Variants in PPT1 observed in about 807,000 individuals in gnomAD.
The protein encoded by PPT1 is ceroid-palmitoyl-palmitoyl-protein thioesterase 1.
PPT1 carries 24 observed loss-of-function variants against 44.0 expected under a neutral mutation model. The ratio of observed to expected loss-of-function variants is 0.54; its 90% CI spans 0.39 to 0.77. PPT1 has a LOEUF of 0.77. Among genes scored for constraint, PPT1 ranks in the 30% least tolerant of loss-of-function variants. The probability of loss-of-function intolerance (pLI) is 0.00; values close to 1 mark genes in which losing one functional copy is unlikely to be tolerated. For missense variants in PPT1, 341 were observed against 378.8 expected (o/e 0.90, Z 0.83); for synonymous variants, 148 against 140.2 (o/e 1.06, Z -0.39).
rs1315917855 is a variant in PPT1 at position 40,097,246 on chromosome 1, G to A, written c.-8C>T. 2 of 1,613,702 alleles carry A rather than the reference G, an allele frequency of 1.2e-6. No individual in the cohort carries two copies. The highest frequency in any genetic ancestry group is 1.7e-6 in the Non-Finnish European group (2 of 1,179,794). ...GCAGCCGGGCGACGCCATCTTCGCT[G>A]TGTCACATGACCGCGGGCGCGAGAC... On this transcript the variant is annotated 5_prime_UTR_variant, in exon 1 of 9. Coordinates refer to ENST00000642050, the MANE Select transcript of PPT1 (RefSeq NM_000310.4).
chr1:40,094,220 C>G (rs1221647295), intron 1 of PPT1, among the ~76,000 whole-genome samples: 1 of 152,174 alleles, frequency 6.6e-6, no homozygotes, highest in Non-Finnish European at 1.5e-5. Flanking sequence ...CTTTTTGGCA[C>G]CAGGGACCAG....
At chr1:40,078,812 C>T (rs749231024) in intron 6 of PPT1, 154 bp from the exon 7 acceptor site, 1 of 697,786 alleles carries the variant, frequency 1.4e-6, no homozygotes. Context: ...CAGGATATAC[C>T]TGTACAGCTT....
At position 40,073,926 on chromosome 1, in the gene PPT1, G is replaced by C. The variant is rs1241410984; in HGVS notation, c.*135C>G. On this transcript the variant is annotated 3_prime_UTR_variant, in exon 9 of 9. Coordinates refer to ENST00000642050, the MANE Select transcript of PPT1 (RefSeq NM_000310.4). Reference sequence around the variant, plus strand: ...AGATTCAGATCTTAGATCTTTCCAAGTAGGGCATGTTAGATGATAGAAGGA... The same window carrying C: ...AGATTCAGATCTTAGATCTTTCCAACTAGGGCATGTTAGATGATAGAAGGA... 6 of 1,184,274 alleles carry C rather than the reference G, an allele frequency of 5.1e-6. No individual in the cohort carries two copies. The highest frequency in any genetic ancestry group is 7.4e-6 in the Non-Finnish European group (6 of 808,032). The allele number at this position is 1,184,274 out of a possible 1,614,324, so 73.4% of individuals were successfully genotyped here. A position where few individuals can be genotyped will look rare whatever the true frequency, so the allele number is the denominator to read the frequency against.
chr1:40,083,858 C>G (rs1649114819), intron 5 of PPT1, among the ~76,000 whole-genome samples: 1 of 152,012 alleles, frequency 6.6e-6, no homozygotes, highest in Non-Finnish European at 1.5e-5. Flanking sequence ...CTAGCCTGGG[C>G]AACATAAATG....
chr1:40,071,766 C>T (rs767355410), downstream of PPT1: 19 of 549,768 alleles, frequency 3.5e-5, no homozygotes, highest in Admixed American at 6.7e-5. Context: ...AGCTCAACCA[C>T]GCCGCCAGTC....
At position 40,078,546 on chromosome 1, in the gene PPT1, A is replaced by T; in HGVS notation, c.726+14T>A. ...CATTTACTCTCCTGGCATGTGGCCT[A>T]AGTAGTGTCTCACCTCCGAATCTAC... On this transcript the variant is annotated intron_variant, in intron 7 of 8. Transcript: ENST00000642050. 1.2e-6 allele frequency: 2 copies of T among 1,608,894 alleles called. No homozygotes were observed. The highest frequency in any genetic ancestry group is 1.7e-6 in the Non-Finnish European group (2 of 1,175,428).
Position 40,089,436 on chromosome 1 carries a change from C to A in PPT1, c.510G>T (p.Gly170=). 1 of 1,614,008 alleles carries A rather than the reference C, an allele frequency of 6.2e-7. No individual in the cohort carries two copies. ...GTTCCTGAACAACTTTGGAGTACGCCCCAGCATTCAGTGTTTTTCGGATGA... is the reference window on the plus strand; with the variant it reads ...GTTCCTGAACAACTTTGGAGTACGCACCAGCATTCAGTGTTTTTCGGATGA... ...CDFIRKTLNA[G]AYSKVVQERL... is the part of the protein sequence containing the mutation. Residue 170 remains glycine, a synonymous_variant, in exon 5 of 9, where the codon GGG becomes GGT. Transcript: ENST00000642050.
intron 5 of PPT1, among the ~76,000 whole-genome samples, chr1:40,087,860 G>A (rs1025632405): frequency 2.0e-5 from 3 of 151,496 alleles, no homozygotes; most frequent in African/African-American, 7.2e-5. Context: ...GAGGTACAGA[G>A]TATCTTAGTT....
downstream of PPT1, chr1:40,072,362 A>C (rs1648224384): frequency 9.6e-6 from 3 of 312,628 alleles, no homozygotes; most frequent in African/African-American, 4.3e-5. Flanking sequence ...TTTCCCTGTC[A>C]TGCTCATCAG....
intron 1 of PPT1, among the ~76,000 whole-genome samples, chr1:40,094,880 C>T (rs1021662982): frequency 1.2e-4 from 18 of 152,180 alleles, no homozygotes; most frequent in Non-Finnish European, 2.5e-4. Flanking sequence ...TGACTGTGAG[C>T]TCTGGGAAAA....
downstream of PPT1, chr1:40,072,263 A>AC (rs1464383569): frequency 1.4e-5 from 4 of 295,542 alleles, 1 homozygote; most frequent in Non-Finnish European, 2.3e-5. Flanking sequence ...AAAAAAAAAA[A>AC]AAAAAAAACC....
chr1:40,076,517 T>C, intron 8 of PPT1: 1 of 813,010 alleles, frequency 1.2e-6, no homozygotes, highest in South Asian at 5.6e-5. Context: ...CCTGGATTTG[T>C]AGCAGACTGT....
intron 5 of PPT1, among the ~76,000 whole-genome samples, chr1:40,084,966 G>A (rs1320212798): frequency 2.0e-5 from 3 of 152,130 alleles, no homozygotes; most frequent in African/African-American, 7.2e-5. Context: ...TCAGTGCCAA[G>A]GAAAAACACC....
At position 40,097,216 on chromosome 1, in the gene PPT1, C is replaced by T; in HGVS notation, c.23G>A (p.Trp8Ter). ...TGGCAGGAGAGCCACAGCCAAGAGC[C>T]ACAGGCAGCCGGGCGACGCCATCTT... MASPGCLWLLAVALLPWT... is the reference protein window; with the variant it reads MASPGCL The change falls in exon 1 of 9, where the codon TGG becomes TAG. Residue 8 changes from tryptophan to a stop codon, truncating the protein, a stop_gained. Transcript: ENST00000642050. LOFTEE classifies it high-confidence loss of function. The T allele has an allele frequency of 1.9e-6, 3 of 1,614,006 alleles. No individual in the cohort carries two copies. The highest frequency in any genetic ancestry group is 2.5e-6 in the Non-Finnish European group (3 of 1,179,930).
Position 40,073,524 on chromosome 1 carries a change from T to C in PPT1, c.*537A>G, listed in dbSNP as rs1648389258. On this transcript the variant is annotated 3_prime_UTR_variant, in exon 9 of 9. Transcript: ENST00000642050. ...CCAGTGGGATTTGTCTAATAATTGATGATAAGATGATAGCACAGAGGGCAA... is the reference window on the plus strand; with the variant it reads ...CCAGTGGGATTTGTCTAATAATTGACGATAAGATGATAGCACAGAGGGCAA... 1 of 90,044 alleles carries C rather than the reference T, an allele frequency of 1.1e-5. No homozygotes were observed. Among genetic ancestry groups the C allele is most frequent in the Admixed American group, 1.0e-4 (1 of 9,760 alleles). 5.6% of individuals were successfully genotyped at this position (90,044 alleles called of 1,614,324 possible).
intron 5 of PPT1, among the ~76,000 whole-genome samples, chr1:40,086,508 C>T (rs921106586): frequency 2.6e-5 from 4 of 152,188 alleles, no homozygotes; most frequent in African/African-American, 9.7e-5. Context: ...GCCTCTCTTG[C>T]ACTCTTCCTG....
intron 4 of PPT1, chr1:40,089,726 T>G: frequency 1.6e-6 from 1 of 641,714 alleles, no homozygotes. Context: ...TTTTACCTGC[T>G]CATCCCTGGA....
intron 8 of PPT1, 130 bp downstream of exon 8, chr1:40,076,712 C>A (rs1648648504): frequency 2.5e-6 from 4 of 1,568,772 alleles, no homozygotes; most frequent in African/African-American, 1.4e-5. Context: ...GGACATGAGT[C>A]AGGTGTTTCA....
chr1:40,089,326 G>A (rs1649429368), intron 5 of PPT1, 84 bp downstream of exon 5: 2 of 841,722 alleles, frequency 2.4e-6, no homozygotes, highest in Non-Finnish European at 3.9e-6. Context: ...AGGAACTACT[G>A]CTGGAATCAC....
Sources: allele counts gnomAD v4.1 joint callset (sites outside exome capture counted in the v4.1 genomes callset), GRCh38; gene constraint gnomAD v4.1.1; transcripts MANE v1.5; gene names NCBI Gene and HGNC (gene_info 2026-07-23, HGNC 2026-07-21).